PCM1: variants seen among roughly 807,000 people sequenced by gnomAD.
PCM1 encodes the protein pericentriolar material 1, also known as pericentriolar material 1 protein.
A neutral mutation model predicts 241.9 loss-of-function variants in PCM1; 157 were observed. The observed-to-expected ratio is 0.65, with a 90% CI of 0.57 to 0.74. PCM1 has a LOEUF of 0.74. PCM1 is among the 30% of genes least tolerant of loss of function. PCM1 has a pLI of 0.00. For missense variants in PCM1, 3,478 were observed against 2,360.1 expected (o/e 1.47, Z -9.81); for synonymous variants, 1,085 against 784.9 (o/e 1.38, Z -6.39).
intron 24 of PCM1, among the ~76,000 whole-genome samples, chr8:17,983,470 G>T (rs1430014903): frequency 6.6e-6 from 1 of 151,940 alleles, no homozygotes; most frequent in Non-Finnish European, 1.5e-5. Context: ...ATAATTCTTG[G>T]TAAAATTTGC....
In PCM1 at chr8:17,966,356, T is replaced by A. The variant is rs771407255; in HGVS notation, c.3104T>A (p.Leu1035His). The change falls in exon 20 of 39, where the codon CTC (leucine) becomes CAC (histidine). Residue 1035 changes from leucine to histidine, a missense_variant. Physicochemically the swap from Leu to His is moderately conservative, Grantham distance 99. Transcript: ENST00000325083. ...CTATCTTGTCTGCTACAAACTCTTC[T>A]CACGGGTCCTTACAGTGTTATGCCC... ...QTLSCLLQTL[L>H]TGPYSVMPSN... The A allele has an allele frequency of 6.2e-7, 1 of 1,613,914 alleles. No individual in the cohort carries two copies. Among genetic ancestry groups the A allele is most frequent in the Non-Finnish European group, 8.5e-7 (1 of 1,179,812 alleles).
chr8:17,981,862 A>C (rs1190307245), intron 24 of PCM1, among the ~76,000 whole-genome samples: 1 of 151,842 alleles, frequency 6.6e-6, no homozygotes, highest in Non-Finnish European at 1.5e-5. Flanking sequence ...CCCTTAATCC[A>C]GTAATTGTAC....
At chr8:17,979,420 C>T (rs138404492) in intron 23 of PCM1, among the ~76,000 whole-genome samples, 2 of 152,240 alleles carry the variant, frequency 1.3e-5, no homozygotes, top group Middle Eastern at 3.4e-3. Context: ...AAAGTAGCTC[C>T]TAGAGTTACA....
rs1217752680 is a variant in PCM1, at chr8:17,966,075, A to T, written c.2932A>T (p.Met978Leu). The T allele has an allele frequency of 6.8e-6, 11 of 1,613,978 alleles. No homozygotes were observed. Among genetic ancestry groups the T allele is most frequent in the Non-Finnish European group, 9.3e-6 (11 of 1,179,856 alleles). ...LAKTRQQNIS[M>L]QRQENLRWVS... is the part of the protein sequence containing the mutation. ...CAAGACAAGGCAACAGAATATCAGC[A>T]TGCAACGGCAAGAAAACCTTCGTTG... The change falls in exon 19 of 39, where the codon ATG becomes TTG. Residue 978 changes from methionine to leucine, a missense_variant. Coordinates refer to ENST00000325083, the MANE Select transcript of PCM1 (RefSeq NM_006197.4).
At position 18,025,424 on chromosome 8, in the gene PCM1, T is replaced by C. The variant is rs2094121520; in HGVS notation, c.5905T>C (p.Leu1969=). 6.2e-7 allele frequency: 1 copy of C among 1,601,966 alleles called. No individual in the cohort carries two copies. Among genetic ancestry groups the C allele is most frequent in the Non-Finnish European group, 8.5e-7 (1 of 1,171,110 alleles). Residue 1969 remains leucine, a synonymous_variant, in exon 37 of 39, where the codon TTA becomes CTA. Transcript: ENST00000325083. ...DEEDFVKVED[L]PLKLTIYSEA... is the part of the protein sequence containing the mutation. ...AGAAGATTTTGTAAAAGTTGAAGAT[T>C]TACCACTGAAACTGACAATATATTC...
chr8:17,982,216 C>G (rs1313231155), intron 24 of PCM1, among the ~76,000 whole-genome samples: 1 of 152,044 alleles, frequency 6.6e-6, no homozygotes, highest in African/African-American at 2.4e-5. Flanking sequence ...TCTTCTGAAC[C>G]CAGAATTTTA....
At chr8:17,933,965 A>T (rs1162342764) in intron 2 of PCM1, among the ~76,000 whole-genome samples, 2 of 152,146 alleles carry the variant, frequency 1.3e-5, no homozygotes, top group African/African-American at 4.8e-5. Context: ...GCTCATTAAA[A>T]AAAGAGTGAA....
At chr8:18,023,331 T>C (rs1226996590) in intron 36 of PCM1, among the ~76,000 whole-genome samples, 1 of 152,212 alleles carries the variant, frequency 6.6e-6, no homozygotes, top group Non-Finnish European at 1.5e-5. Context: ...CAAACTCGAA[T>C]ATATGAAGGG....
At chr8:18,022,532 C>T (rs1024751181) in intron 36 of PCM1, among the ~76,000 whole-genome samples, 1 of 152,214 alleles carries the variant, frequency 6.6e-6, no homozygotes, top group Non-Finnish European at 1.5e-5. Flanking sequence ...TGGTATCCTT[C>T]CCCTAGCAGG....
chr8:17,928,844 C>T (rs969582626), intron 2 of PCM1, among the ~76,000 whole-genome samples: 1 of 151,910 alleles, frequency 6.6e-6, no homozygotes, highest in Non-Finnish European at 1.5e-5. Flanking sequence ...TTGGAACAGG[C>T]TGGTCTCAAA....
chr8:17,975,646 T>G (rs541913271), intron 23 of PCM1, among the ~76,000 whole-genome samples: 6 of 152,262 alleles, frequency 3.9e-5, no homozygotes, highest in Admixed American at 3.3e-4. Context: ...TCTTGAGAGA[T>G]ATGGTACAGC....
At chr8:17,975,825 A>G (rs1308955231) in intron 23 of PCM1, among the ~76,000 whole-genome samples, 1 of 152,238 alleles carries the variant, frequency 6.6e-6, no homozygotes, top group Non-Finnish European at 1.5e-5. Context: ...TAGATATTGC[A>G]TATGAGGTAA....
chr8:17,927,342 G>C (rs1163074039), intron 2 of PCM1: 3 of 152,028 alleles, frequency 2.0e-5, no homozygotes, highest in African/African-American at 7.3e-5. Flanking sequence ...TGTTGACCAG[G>C]CGAATCAAGT....
At chr8:18,001,995 C>CTTTTTTTTTT (rs1166401113) in intron 29 of PCM1, among the ~76,000 whole-genome samples, 2 of 23,404 alleles carry the variant, frequency 8.5e-5, no homozygotes, top group East Asian at 1.0e-3. Context: ...TCTAACCTTT[C>CTTTTTTTTTT]TTTTTTTTTT....
intron 21 of PCM1, among the ~76,000 whole-genome samples, chr8:17,967,597 C>T (rs963053695): frequency 2.0e-5 from 3 of 152,192 alleles, no homozygotes; most frequent in Admixed American, 6.5e-5. Context: ...CATGAGCCAC[C>T]GTGCCCAGCC....
chr8:18,011,962 C>A, intron 34 of PCM1, 135 bp downstream of exon 34: 2 of 766,102 alleles, frequency 2.6e-6, no homozygotes, highest in South Asian at 4.0e-5. Context: ...CATTAATATG[C>A]TTATTAAAAT....
chr8:17,928,981 A>G (rs760620059), intron 2 of PCM1, among the ~76,000 whole-genome samples: 18 of 152,132 alleles, frequency 1.2e-4, no homozygotes, highest in East Asian at 5.8e-4. Flanking sequence ...AGATACTTCT[A>G]TTTTAATAAA....
intron 37 of PCM1, 30 bp from the exon 38 acceptor site, chr8:18,025,514 T>G (rs776827868): frequency 1.3e-6 from 2 of 1,536,558 alleles, no homozygotes; most frequent in African/African-American, 2.8e-5. Flanking sequence ...AAATGAAAAA[T>G]GATTTGTATT....
At chr8:17,982,918 A>G (rs1378037902) in intron 24 of PCM1, among the ~76,000 whole-genome samples, 1 of 152,228 alleles carries the variant, frequency 6.6e-6, no homozygotes, top group Non-Finnish European at 1.5e-5. Flanking sequence ...TAGGACTGCT[A>G]GTATTAAATT....
Sources: gnomAD v4.1 joint callset for allele counts (sites outside exome capture counted in the v4.1 genomes callset) on GRCh38, gnomAD v4.1.1 for gene constraint, MANE v1.5 for transcripts, NCBI Gene and HGNC (gene_info 2026-07-23, HGNC 2026-07-21) for gene names.